The following ZSCAN30 variants were observed in gnomAD, a reference collection of about 807,000 sequenced individuals.
ZSCAN30 encodes zinc finger and SCAN domain containing 30.
A neutral mutation model predicts 44.3 loss-of-function variants in ZSCAN30; 37 were observed. That is an observed-to-expected ratio of 0.84 (90% CI 0.64 to 1.10). ZSCAN30 has a LOEUF of 1.10. Ranked by LOEUF, ZSCAN30 falls within the 50% of genes least tolerant of loss-of-function variation. ZSCAN30 has a pLI of 0.00. For missense variants in ZSCAN30, 549 were observed against 582.6 expected, an observed-to-expected ratio of 0.94 and a Z score of 0.59; for synonymous variants, 181 against 204.6, an observed-to-expected ratio of 0.88 and a Z score of 0.98.
intron 1 of ZSCAN30, among the ~76,000 whole-genome samples, chr18:35,272,238 C>G (rs935864530): frequency 3.9e-5 from 6 of 152,240 alleles, no homozygotes; most frequent in Non-Finnish European, 5.9e-5. Context: ...CCATGTTAGC[C>G]AGGCTGGTCT....
rs746793634 is a variant in ZSCAN30 at position 35,264,145 on chromosome 18, G to C, written c.208C>G (p.Arg70Gly). 1 of 1,614,194 alleles carries C rather than the reference G, an allele frequency of 6.2e-7. No homozygotes were observed. Reference protein sequence around the residue: ...TGPREALSRLRELCCQWLRPE... With the variant: ...TGPREALSRLGELCCQWLRPE... ...CTCAACCACTGACAGCAAAGCTCTC[G>C]CAGCCGGCTCAGAGCCTCCCGAGGG... The change falls in exon 2 of 4, where the codon CGA becomes GGA. Residue 70 changes from arginine to glycine, a missense_variant. By Grantham distance (125) the Arg-to-Gly change is moderately radical. Transcript: ENST00000333206.
At chr18:35,254,867 G>GCA (rs937359447) in intron 3 of ZSCAN30, 1 of 165,480 alleles carries the variant, frequency 6.0e-6, no homozygotes, top group African/African-American at 2.4e-5. Context: ...AACAGAGGTA[G>GCA]CTGGGCAGCA....
At position 35,253,945 on chromosome 18, in the gene ZSCAN30, T is replaced by C. The variant is rs1256626511; in HGVS notation, c.990A>G (p.Ala330=). Residue 330 remains alanine (A), a synonymous_variant, in exon 4 of 4, where the codon GCA becomes GCG. Transcript: ENST00000333206. ...TGAAGGCTTTGCCACATTCTTTACA[T>C]GCATAAGGTCTCTCTCCAGTATGAA... ...QRIHTGERPY[A]CKECGKAFSL... is the part of the protein sequence containing the mutation. 11 of 1,614,078 alleles carry C rather than the reference T, an allele frequency of 6.8e-6. No homozygotes were observed. Among genetic ancestry groups the C allele is most frequent in the African/African-American group, 4.0e-5 (3 of 74,928 alleles).
intron 1 of ZSCAN30, chr18:35,282,325 G>C (rs912192215): frequency 8.5e-5 from 13 of 152,170 alleles, no homozygotes; most frequent in Admixed American, 7.9e-4. Context: ...CATGTTAATA[G>C]TTATGTGATA....
chr18:35,257,913 C>T (rs780212226), intron 3 of ZSCAN30: 1 of 781,078 alleles, frequency 1.3e-6, no homozygotes, highest in South Asian at 1.3e-5. Flanking sequence ...TCCTGCTTCT[C>T]TCTCTCCATT....
chr18:35,271,783 G>A (rs560182798), intron 1 of ZSCAN30, among the ~76,000 whole-genome samples: 14 of 152,368 alleles, frequency 9.2e-5, no homozygotes, highest in African/African-American at 3.4e-4. Context: ...CGGGCTGCAG[G>A]TCCTAAGCCC....
At chr18:35,285,220 AT>A (rs1267011392) in intron 1 of ZSCAN30, 1 of 152,248 alleles carries the variant, frequency 6.6e-6, no homozygotes, top group Non-Finnish European at 1.5e-5. Context: ...AATCCTAAAC[AT>A]TTATGCAAAT....
At chr18:35,255,038 G>T (rs1413707422) in intron 3 of ZSCAN30, 1 of 153,366 alleles carries the variant, frequency 6.5e-6, no homozygotes, top group East Asian at 2.0e-4. Flanking sequence ...AAAAAATTTT[G>T]CACTTAAATC....
chr18:35,260,420 C>CT (rs980395105), intron 3 of ZSCAN30: 1 of 152,162 alleles, frequency 6.6e-6, no homozygotes, highest in Non-Finnish European at 1.5e-5. Context: ...GGTTCTAGGT[C>CT]TTTGAGGAAT....
At chr18:35,287,670 A>G (rs892903890) in intron 1 of ZSCAN30, among the ~76,000 whole-genome samples, 2 of 152,044 alleles carry the variant, frequency 1.3e-5, no homozygotes, top group Non-Finnish European at 2.9e-5. Flanking sequence ...ACCAAAATGT[A>G]AAACCTAAAA....
At chr18:35,284,567 GGGCTGCAACAGCACCCTGGCTC>G (rs2143781650) in intron 1 of ZSCAN30, 1 of 155,156 alleles carries the variant, frequency 6.4e-6, no homozygotes, top group Non-Finnish European at 1.5e-5. Flanking sequence ...ACAACTGGCT[GGGCTGCAACAGCACCCTGGCTC>G]GGCCCCAACC....
chr18:35,254,436 C>T lies in ZSCAN30; in HGVS notation c.554-55G>A, dbSNP rs183291401. 3 of 1,612,586 alleles carry T rather than the reference C, an allele frequency of 1.9e-6. No individual in the cohort carries two copies. In the African/African-American group the frequency reaches 4.0e-5, roughly 21 times the overall value. On this transcript the variant is annotated intron_variant, in intron 3 of 3. Transcript: ENST00000333206. ...CATTTACTTCCCATGACAGAAGAAA[C>T]TGTTGTAGCAGGAACACAAACTCAA...
At chr18:35,281,076 T>TC (rs2044447337) in intron 1 of ZSCAN30, 1 of 152,248 alleles carries the variant, frequency 6.6e-6, no homozygotes, top group South Asian at 2.1e-4. Context: ...AGATTGAGAA[T>TC]CACTGCTCTA....
intron 1 of ZSCAN30, among the ~76,000 whole-genome samples, chr18:35,271,506 T>A (rs1261497471): frequency 5.9e-5 from 9 of 152,138 alleles, no homozygotes; most frequent in Non-Finnish European, 7.4e-5. Flanking sequence ...AGACACAGAG[T>A]GCTGATTGGT....
chr18:35,264,464 G>T lies in ZSCAN30; in HGVS notation c.-103-9C>A. ...AACTCCCCAGGACGCTCCTGAGGGT[G>T]GACAATGCTCATGTTACACAGGGAA... On this transcript the variant is annotated splice_polypyrimidine_tract_variant and intron_variant, in intron 1 of 3. Coordinates refer to ENST00000333206, the MANE Select transcript of ZSCAN30 (RefSeq NM_001112734.4). The T allele has an allele frequency of 5.5e-6, 6 of 1,086,880 alleles. No individual in the cohort carries two copies. Among genetic ancestry groups the T allele is most frequent in the South Asian group, 1.6e-5 (1 of 62,046 alleles). 67.3% of individuals were successfully genotyped at this position (1,086,880 alleles called of 1,614,324 possible). A position where few individuals can be genotyped will look rare whatever the true frequency, so the allele number is the denominator to read the frequency against.
In ZSCAN30 at chr18:35,272,559, GT is replaced by G. The variant is rs547449919; in HGVS notation, c.-103-8105del. On this transcript the variant is annotated intron_variant, in intron 1 of 3. Transcript: ENST00000333206. ...TTTCACCATATTGGTTGGCCAGGCT[GT>G]TCTCAAACTCCTGACCTCAAATGAT... Among the ~76,000 whole-genome samples the G allele has an allele frequency of 2.0e-4, 31 of 151,350 alleles. 1 individual carries two copies. The South Asian group carries it at 6.5e-3, about 32-fold the overall frequency.
Position 35,253,324 on chromosome 18 carries a change from C to T in ZSCAN30, c.*126G>A. Reference sequence around the variant, plus strand: ...ACAAACATCTTTGTGTGCATGTCTTCTTATAGTACCGAACTGGGAGGGAAG... The same window carrying T: ...ACAAACATCTTTGTGTGCATGTCTTTTTATAGTACCGAACTGGGAGGGAAG... On this transcript the variant is annotated 3_prime_UTR_variant, in exon 4 of 4. Transcript: ENST00000333206. The T allele has an allele frequency of 1.5e-6, 1 of 680,592 alleles. No homozygotes were observed. The highest frequency in any genetic ancestry group is 2.4e-6 in the Non-Finnish European group (1 of 419,344). 42.2% of individuals were successfully genotyped at this position (680,592 alleles called of 1,614,324 possible).
intron 1 of ZSCAN30, chr18:35,267,654 A>G (rs546801195): frequency 2.0e-5 from 3 of 152,316 alleles, no homozygotes; most frequent in Admixed American, 2.0e-4. Flanking sequence ...TGGCGGGGGC[A>G]TCGCAGAGTA....
chr18:35,277,615 G>T (rs1358346096), intron 1 of ZSCAN30, among the ~76,000 whole-genome samples: 2 of 152,144 alleles, frequency 1.3e-5, no homozygotes, highest in African/African-American at 4.8e-5. Flanking sequence ...TGCCATGATT[G>T]TAAGTTTCCC....
Sources: allele counts gnomAD v4.1 joint callset (sites outside exome capture counted in the v4.1 genomes callset), GRCh38; gene constraint gnomAD v4.1.1; transcripts MANE v1.5; gene names NCBI Gene and HGNC (gene_info 2026-07-23, HGNC 2026-07-21).